Variants in SIPA1L3 observed in about 807,000 individuals in gnomAD.
The protein encoded by SIPA1L3 is signal induced proliferation associated 1 like 3.
In SIPA1L3, 59 loss-of-function variants were observed where a neutral mutation model predicts 150.1. That is an observed-to-expected ratio of 0.39 (90% CI 0.32 to 0.49). The LOEUF is 0.49. Among genes scored for constraint, SIPA1L3 ranks in the 20% least tolerant of loss-of-function variants. The pLI is 0.86. For synonymous variants in SIPA1L3, 1,070 were observed against 1,077.6 expected, an observed-to-expected ratio of 0.99 and a Z score of 0.14; for missense variants, 2,211 against 2,489.5, an observed-to-expected ratio of 0.89 and a Z score of 2.38.
intron 2 of SIPA1L3, among the ~76,000 whole-genome samples, chr19:38,077,624 T>C (rs1969866803): frequency 1.3e-5 from 2 of 151,304 alleles, no homozygotes; most frequent in Middle Eastern, 3.4e-3. Flanking sequence ...TAGTTTGTTG[T>C]TGTTTCTGTT....
At chr19:38,041,776 A>G (rs561915032) in intron 2 of SIPA1L3, among the ~76,000 whole-genome samples, 35 of 150,278 alleles carry the variant, frequency 2.3e-4, no homozygotes, top group Non-Finnish European at 5.2e-4. Flanking sequence ...AGGTCTCACT[A>G]TGTTGCCCAG....
intron 1 of SIPA1L3, among the ~76,000 whole-genome samples, chr19:37,916,681 C>A (rs968434333): frequency 2.0e-5 from 3 of 151,838 alleles, no homozygotes; most frequent in African/African-American, 7.3e-5. Flanking sequence ...AACGTGGGGC[C>A]GAGCGCGGTG....
At chr19:38,069,831 A>ATTTTTTTTTTTT (rs143984654) in intron 2 of SIPA1L3, among the ~76,000 whole-genome samples, 1 of 136,326 alleles carries the variant, frequency 7.3e-6, no homozygotes. Context: ...TACCTGGTTA[A>ATTTTTTTTTTTT]TTTTTTTTTT....
chr19:38,111,986 G>T (rs1008575697), intron 8 of SIPA1L3, among the ~76,000 whole-genome samples: 30 of 120,928 alleles, frequency 2.5e-4, no homozygotes, highest in African/African-American at 1.1e-3. Flanking sequence ...CATGCACACA[G>T]GCACACACCT....
intron 8 of SIPA1L3, among the ~76,000 whole-genome samples, chr19:38,116,544 AAGAAAG>A (rs1568558193): frequency 5.4e-5 from 8 of 148,782 alleles, no homozygotes; most frequent in African/African-American, 1.7e-4. Flanking sequence ...AAAAAAAAGA[AAGAAAG>A]AAAAGAAAAA....
At chr19:38,186,503 T>G (rs1972681177) in intron 16 of SIPA1L3, among the ~76,000 whole-genome samples, 1 of 150,726 alleles carries the variant, frequency 6.6e-6, no homozygotes, top group African/African-American at 2.4e-5. Flanking sequence ...TTGTTTTGTT[T>G]TGTTTTGTTC....
chr19:38,007,361 G>A, intron 1 of SIPA1L3, among the ~76,000 whole-genome samples: 1 of 151,728 alleles, frequency 6.6e-6, no homozygotes, highest in African/African-American at 2.4e-5. Flanking sequence ...GCTGAGGCAG[G>A]AGAATGGCGT....
chr19:38,129,576 G>A (rs1292115116), intron 9 of SIPA1L3, among the ~76,000 whole-genome samples: 1 of 149,066 alleles, frequency 6.7e-6, no homozygotes, highest in Non-Finnish European at 1.5e-5. Context: ...AGTGAGCCGA[G>A]ATCACGCCAC....
chr19:38,079,249 C>T (rs987231511), intron 2 of SIPA1L3, among the ~76,000 whole-genome samples: 1 of 152,156 alleles, frequency 6.6e-6, no homozygotes, highest in Non-Finnish European at 1.5e-5. Context: ...AGGAGAATGG[C>T]GTGAACCCAG....
At chr19:37,915,443 G>A (rs1431253539) in intron 1 of SIPA1L3, among the ~76,000 whole-genome samples, 2 of 151,972 alleles carry the variant, frequency 1.3e-5, no homozygotes, top group Non-Finnish European at 2.9e-5. Flanking sequence ...GTGCAGTGGT[G>A]TGATCTGGGC....
intron 1 of SIPA1L3, among the ~76,000 whole-genome samples, chr19:37,913,815 G>A (rs949457953): frequency 2.0e-5 from 3 of 151,186 alleles, no homozygotes; most frequent in African/African-American, 7.3e-5. Flanking sequence ...AGGAGATCGA[G>A]ACCATCCTGG....
intron 16 of SIPA1L3, chr19:38,182,969 T>C (rs1972593911): frequency 1.9e-6 from 1 of 514,862 alleles, no homozygotes; most frequent in African/African-American, 1.9e-5. Flanking sequence ...AAGCACGCAA[T>C]AGGTCAATGG....
chr19:38,013,078 T>C (rs1252485636), intron 1 of SIPA1L3, among the ~76,000 whole-genome samples: 1 of 152,104 alleles, frequency 6.6e-6, no homozygotes, highest in Non-Finnish European at 1.5e-5. Flanking sequence ...GGCAGCTTGG[T>C]CAGTGTGAGT....
chr19:37,983,325 C>T (rs761908124), intron 1 of SIPA1L3, among the ~76,000 whole-genome samples: 5 of 152,240 alleles, frequency 3.3e-5, no homozygotes, highest in African/African-American at 7.2e-5. Context: ...TGGGTGACCT[C>T]GGACAAGGGA....
At chr19:37,986,710 G>A (rs1190752029) in intron 1 of SIPA1L3, among the ~76,000 whole-genome samples, 1 of 152,180 alleles carries the variant, frequency 6.6e-6, no homozygotes, top group Non-Finnish European at 1.5e-5. Flanking sequence ...TTTACAACGT[G>A]CCCGTGCCTG....
chr19:37,983,009 C>G (rs890432679), intron 1 of SIPA1L3, among the ~76,000 whole-genome samples: 1 of 152,206 alleles, frequency 6.6e-6, no homozygotes, highest in Non-Finnish European at 1.5e-5. Context: ...GACATCCCAG[C>G]CAGGCCATGT....
At chr19:37,955,043 C>T (rs539731942) in intron 1 of SIPA1L3, among the ~76,000 whole-genome samples, 2 of 144,852 alleles carry the variant, frequency 1.4e-5, no homozygotes, top group South Asian at 2.2e-4. Flanking sequence ...GCCGGGATCA[C>T]ACCACTGCAC....
At position 37,966,934 on chromosome 19, in the gene SIPA1L3, G is replaced by A. The variant is rs956591333; in HGVS notation, c.-379+59576G>A. 3.3e-5 allele frequency among the ~76,000 whole-genome samples: 5 copies of A among 152,088 alleles called. No individual in the cohort carries two copies. In the South Asian group the frequency reaches 1.0e-3, roughly 32 times the overall value. ...GTTTCCACGGGTGGCTGGGGAATTC[G>A]GTGCAGGTGACCTCGCCCCTCTGGA... On this transcript the variant is annotated intron_variant, in intron 1 of 21. Transcript: ENST00000222345.
chr19:38,182,644 T>C lies in SIPA1L3; in HGVS notation c.4334T>C (p.Phe1445Ser), dbSNP rs762061331. The change falls in exon 16 of 22, where the codon TTC (phenylalanine) becomes TCC (serine). Residue 1445 changes from phenylalanine (F) to serine (S), a missense_variant. This residue lies in a region of SIPA1L3 where 806 missense variants were observed against 870.1 expected (regional missense o/e 0.93). Coordinates refer to ENST00000222345, the MANE Select transcript of SIPA1L3 (RefSeq NM_015073.3). ...FQLSASVPKS[F>S]FSKQPVRNKH... ...CTCTCCGCCTCCGTCCCCAAGTCCT[T>C]CTTCTCCAAGCAGCCTGTACGCAAT... 2.5e-6 allele frequency: 4 copies of C among 1,613,982 alleles called. No individual in the cohort carries two copies. Among genetic ancestry groups the C allele is most frequent in the Admixed American group, 3.3e-5 (2 of 60,004 alleles).
Sources: allele counts gnomAD v4.1 joint callset (sites outside exome capture counted in the v4.1 genomes callset), GRCh38; gene constraint gnomAD v4.1.1; regional missense constraint gnomAD v4.1.1; transcripts MANE v1.5; gene names NCBI Gene and HGNC (gene_info 2026-07-23, HGNC 2026-07-21).